The following PPHLN1 variants were observed in gnomAD, a reference collection of about 807,000 sequenced individuals.
The protein encoded by PPHLN1 is periphilin 1.
A neutral mutation model predicts 51.3 loss-of-function variants in PPHLN1; 29 were observed. The ratio of observed to expected loss-of-function variants is 0.57; its 90% CI spans 0.42 to 0.77. PPHLN1 has a LOEUF of 0.77. Ranked by LOEUF, PPHLN1 falls within the 30% of genes least tolerant of loss-of-function variation. PPHLN1 has a pLI of 0.00. For synonymous variants in PPHLN1, 147 were observed against 147.8 expected, an observed-to-expected ratio of 0.99 and a Z score of 0.04; for missense variants, 436 against 438.4, an observed-to-expected ratio of 0.99 and a Z score of 0.05.
chr12:42,388,922 A>G (rs1207028962), intron 7 of PPHLN1, among the ~76,000 whole-genome samples: 1 of 151,960 alleles, frequency 6.6e-6, no homozygotes, highest in Non-Finnish European at 1.5e-5. Flanking sequence ...AGCCTGGGTG[A>G]CAGAGCAAGA....
intron 9 of PPHLN1, among the ~76,000 whole-genome samples, chr12:42,436,388 A>G (rs1052068543): frequency 4.0e-5 from 6 of 149,476 alleles, no homozygotes; most frequent in Non-Finnish European, 8.8e-5. Flanking sequence ...CATTACTGCT[A>G]AAGATTATAA....
At position 42,375,106 on chromosome 12, in the gene PPHLN1, C is replaced by T. The variant is rs554825771; in HGVS notation, c.511+32C>T. On this transcript the variant is annotated intron_variant, in intron 5 of 9. Coordinates refer to ENST00000358314, the MANE Select transcript of PPHLN1 (RefSeq NM_201439.2). ...ATTTTAAGACTTTATTTTTTTCTCTCACAGTCTCCTCTGATGAGAATGTAC... is the reference window on the plus strand; with the variant it reads ...ATTTTAAGACTTTATTTTTTTCTCTTACAGTCTCCTCTGATGAGAATGTAC... 1.8e-5 allele frequency: 27 copies of T among 1,480,960 alleles called. No homozygotes were observed. In the African/African-American group the frequency reaches 2.7e-4, roughly 15 times the overall value. The allele number at this position is 1,480,960 out of a possible 1,614,324, so 91.7% of individuals were successfully genotyped here. A position where few individuals can be genotyped will look rare whatever the true frequency, so the allele number is the denominator to read the frequency against.
intron 9 of PPHLN1, among the ~76,000 whole-genome samples, chr12:42,413,436 G>A (rs1376254955): frequency 4.0e-5 from 6 of 151,654 alleles, no homozygotes; most frequent in Non-Finnish European, 7.4e-5. Context: ...AGTATTTGGC[G>A]TTATTTCTGG....
chr12:42,441,331 G>A lies in PPHLN1; in HGVS notation c.926G>A (p.Cys309Tyr). The change falls in exon 10 of 10, where the codon TGT becomes TAT. Residue 309 changes from cysteine to tyrosine, a missense_variant. By Grantham distance (194) the Cys-to-Tyr change is radical (BLOSUM62 -2). Transcript: ENST00000358314. ...ACCTTTTAGGTTTACCGACAAGACT[G>A]TGAAACTTTCGGGATGGTGGTGAAA... ...KEIEQVYRQD[C>Y]ETFGMVVKML... 6.2e-7 allele frequency: 1 copy of A among 1,612,282 alleles called. No homozygotes were observed. Among genetic ancestry groups the A allele is most frequent in the Non-Finnish European group, 8.5e-7 (1 of 1,178,790 alleles).
At chr12:42,412,731 C>A (rs911542658) in intron 9 of PPHLN1, among the ~76,000 whole-genome samples, 1 of 152,192 alleles carries the variant, frequency 6.6e-6, no homozygotes, top group Non-Finnish European at 1.5e-5. Flanking sequence ...TAGTAATTTA[C>A]ATTCCCACCA....
intron 7 of PPHLN1, among the ~76,000 whole-genome samples, chr12:42,391,292 G>C (rs1175883014): frequency 6.6e-6 from 1 of 152,202 alleles, no homozygotes; most frequent in East Asian, 1.9e-4. Flanking sequence ...AGGCTGGAGT[G>C]CAATGGCATA....
At chr12:42,385,520 G>A (rs901406302) in intron 6 of PPHLN1, among the ~76,000 whole-genome samples, 7 of 152,178 alleles carry the variant, frequency 4.6e-5, no homozygotes, top group Non-Finnish European at 8.8e-5. Flanking sequence ...ACTTCGGGAT[G>A]ATATGTTTGT....
chr12:42,342,975 C>A (rs540410261), intron 2 of PPHLN1, among the ~76,000 whole-genome samples: 1 of 152,180 alleles, frequency 6.6e-6, no homozygotes, highest in East Asian at 1.9e-4. Context: ...AAAAATAAAT[C>A]CTTTAGTAAA....
At position 42,441,541 on chromosome 12, in the gene PPHLN1, A is replaced by G. The variant is rs1566048527; in HGVS notation, c.*32A>G. 1 of 1,497,338 alleles carries G rather than the reference A, an allele frequency of 6.7e-7. No individual in the cohort carries two copies. The allele number at this position is 1,497,338 out of a possible 1,614,324, so 92.8% of individuals were successfully genotyped here. A position where few individuals can be genotyped will look rare whatever the true frequency, so the allele number is the denominator to read the frequency against. ...CTGCTCAGGCTAAAAAAAAAAAAAA[A>G]CAGTTTCTAAAAATTTTTTTTCCTG... On this transcript the variant is annotated 3_prime_UTR_variant, in exon 10 of 10. Transcript: ENST00000358314.
At chr12:42,446,445 T>G, downstream of PPHLN1, 1 of 1,327,710 alleles carries the variant, frequency 7.5e-7, no homozygotes, top group African/African-American at 1.5e-5. Context: ...ATACCCCCAG[T>G]GGGGTTCCTC....
chr12:42,437,211 C>T (rs2082558127), intron 9 of PPHLN1, among the ~76,000 whole-genome samples: 2 of 152,152 alleles, frequency 1.3e-5, no homozygotes, highest in Admixed American at 1.3e-4. Flanking sequence ...AATAGTATTT[C>T]CCCCAAACAC....
Position 42,409,914 on chromosome 12 carries a change from A to G in PPHLN1, c.909+10920A>G, listed in dbSNP as rs1223002378. ...GTTTTATATTGTTCTCCAGTTTTATATTATATCTCTGACAGCTTTATATTG... is the reference window on the plus strand; with the variant it reads ...GTTTTATATTGTTCTCCAGTTTTATGTTATATCTCTGACAGCTTTATATTG... On this transcript the variant is annotated intron_variant, in intron 9 of 9. Transcript: ENST00000358314. Among the ~76,000 whole-genome samples, 6 of 152,152 alleles carry G rather than the reference A, an allele frequency of 3.9e-5. No individual in the cohort carries two copies. The South Asian group carries it at 1.0e-3, about 26-fold the overall frequency.
chr12:42,352,156 C>G, intron 3 of PPHLN1, 107 bp downstream of exon 3: 1 of 981,536 alleles, frequency 1.0e-6, no homozygotes, highest in South Asian at 3.1e-5. Flanking sequence ...TAAACACTTT[C>G]TGCTTGATGC....
At position 42,387,452 on chromosome 12, in the gene PPHLN1, A is replaced by G. The variant is rs763016844; in HGVS notation, c.569-4A>G. On this transcript the variant is annotated splice_region_variant and splice_polypyrimidine_tract_variant and intron_variant, in intron 6 of 9. Coordinates refer to ENST00000358314, the MANE Select transcript of PPHLN1 (RefSeq NM_201439.2). ...AAAATTACATCTTATGTTTTCTTAT[A>G]TAGATAAAGAGAGGCCTGTCCAGTC... The G allele has an allele frequency of 1.9e-6, 3 of 1,599,002 alleles. No homozygotes were observed. The highest frequency in any genetic ancestry group is 1.1e-5 in the South Asian group (1 of 87,260).
At chr12:42,359,465 T>C (rs2074385634) in intron 4 of PPHLN1, 1 of 152,244 alleles carries the variant, frequency 6.6e-6, no homozygotes, top group African/African-American at 2.4e-5. Context: ...ATTTGTACTG[T>C]CCACACCTGC....
intron 4 of PPHLN1, among the ~76,000 whole-genome samples, chr12:42,357,598 A>G (rs1277562169): frequency 6.6e-6 from 1 of 152,238 alleles, no homozygotes; most frequent in Non-Finnish European, 1.5e-5. Context: ...AATATCTGAC[A>G]TAATTAAGAC....
chr12:42,339,579 C>A lies in PPHLN1; in HGVS notation c.72+3605C>A, dbSNP rs1456734391. Among the ~76,000 whole-genome samples the A allele has an allele frequency of 2.6e-4, 39 of 152,014 alleles. 1 individual carries two copies. Among genetic ancestry groups the A allele is most frequent in the Admixed American group, 2.6e-3 (39 of 15,246 alleles). Reference sequence around the variant, plus strand: ...AGCTGTCTGGTGAAGCCTATGGATCCCTTCTCAGAATAACATTTTTAAACC... The same window carrying A: ...AGCTGTCTGGTGAAGCCTATGGATCACTTCTCAGAATAACATTTTTAAACC... On this transcript the variant is annotated intron_variant, in intron 2 of 9. Transcript: ENST00000358314.
chr12:42,345,260 T>G (rs896043089), intron 2 of PPHLN1, among the ~76,000 whole-genome samples: 59 of 152,276 alleles, frequency 3.9e-4, no homozygotes, highest in African/African-American at 1.4e-3. Context: ...TAGAGGGTCT[T>G]GTAGTAGTAA....
At chr12:42,374,124 C>G (rs2076037870) in intron 4 of PPHLN1, among the ~76,000 whole-genome samples, 1 of 152,050 alleles carries the variant, frequency 6.6e-6, no homozygotes, top group Non-Finnish European at 1.5e-5. Flanking sequence ...CCAGTAGTTT[C>G]TATACTTAGA....
Sources: allele counts gnomAD v4.1 joint callset (sites outside exome capture counted in the v4.1 genomes callset), GRCh38; gene constraint gnomAD v4.1.1; transcripts MANE v1.5; gene names NCBI Gene and HGNC (gene_info 2026-07-23, HGNC 2026-07-21).